The following ADRM1 variants were observed in gnomAD, a reference collection of about 807,000 sequenced individuals.
ADRM1 encodes the protein proteasomal ubiquitin receptor ADRM1.
ADRM1 carries 2 observed loss-of-function variants against 40.1 expected under a neutral mutation model. The ratio of observed to expected loss-of-function variants is 0.05; its 90% CI spans 0.02 to 0.16. ADRM1 has a LOEUF of 0.16. Ranked by LOEUF, ADRM1 falls within the 10% of genes least tolerant of loss-of-function variation. The pLI is 1.00. For synonymous variants in ADRM1, 287 were observed against 240.4 expected (o/e 1.19, Z -1.79); for missense variants, 467 against 552.5 (o/e 0.85, Z 1.55).
Position 62,308,286 on chromosome 20 carries a change from C to T in ADRM1, c.1015-82C>T, listed in dbSNP as rs977962780. ...CATGGCCAGTGCTTCATGTGCCTGA[C>T]CCGCAGAGCTGGCAGCTGAGCAGTG... On this transcript the variant is annotated intron_variant, in intron 8 of 9. Coordinates refer to ENST00000253003, the MANE Select transcript of ADRM1 (RefSeq NM_007002.4). 7 of 1,537,180 alleles carry T rather than the reference C, an allele frequency of 4.6e-6. No homozygotes were observed. In the East Asian group the frequency reaches 9.4e-5, roughly 21 times the overall value.
Position 62,303,799 on chromosome 20 carries a change from G to T in ADRM1, c.213+18G>T. 1.2e-6 allele frequency: 2 copies of T among 1,605,400 alleles called. No individual in the cohort carries two copies. The highest frequency in any genetic ancestry group is 8.5e-7 in the Non-Finnish European group (1 of 1,177,602). ...TGGAAGACGTGAGTGTCCCTGAGCC[G>T]CAGCAGCAGGACAGGCGACTTCTCG... On this transcript the variant is annotated intron_variant, in intron 2 of 9. Transcript: ENST00000253003.
chr20:62,307,317 T>C, intron 5 of ADRM1, 54 bp from the exon 6 acceptor site: 1 of 1,534,016 alleles, frequency 6.5e-7, no homozygotes, highest in Non-Finnish European at 8.8e-7. Flanking sequence ...GGGGCCAGGC[T>C]CTTTCTGGTG....
intron 3 of ADRM1, chr20:62,305,982 C>T (rs1026650489): frequency 3.8e-5 from 22 of 579,496 alleles, no homozygotes; most frequent in African/African-American, 1.9e-4. Context: ...GGGATTGCGG[C>T]GGATGGGGAC....
At chr20:62,307,140 C>T (rs1344351338) in intron 5 of ADRM1, among the ~76,000 whole-genome samples, 1 of 152,232 alleles carries the variant, frequency 6.6e-6, no homozygotes, top group Admixed American at 6.5e-5. Context: ...ATCTTCTAAT[C>T]TAAGCACATG....
intron 5 of ADRM1, among the ~76,000 whole-genome samples, chr20:62,306,958 A>G (rs957343011): frequency 2.0e-5 from 3 of 152,066 alleles, no homozygotes; most frequent in African/African-American, 7.2e-5. Flanking sequence ...GGTACTTCAG[A>G]GGAGGGTGGC....
At chr20:62,305,657 A>G (rs1399155894) in intron 3 of ADRM1, 1 of 152,612 alleles carries the variant, frequency 6.6e-6, no homozygotes, top group African/African-American at 2.4e-5. Context: ...CAGCTTCCAT[A>G]GCCATTCGGG....
intron 2 of ADRM1, chr20:62,304,109 TTCAC>T: frequency 2.0e-6 from 1 of 492,876 alleles, no homozygotes; most frequent in Non-Finnish European, 3.7e-6. Flanking sequence ...GCCTGGCGGC[TTCAC>T]TCAGTCTTCT....
chr20:62,305,898 T>C, intron 3 of ADRM1: 1 of 365,238 alleles, frequency 2.7e-6, no homozygotes, highest in Non-Finnish European at 5.2e-6. Context: ...GGGCTTGGTC[T>C]GGCAGCAGCT....
chr20:62,303,366 GC>G (rs1984396057), intron 1 of ADRM1: 1 of 531,448 alleles, frequency 1.9e-6, no homozygotes, highest in Non-Finnish European at 3.3e-6. Flanking sequence ...GCTTGGCGGG[GC>G]TGCCCCGGCC....
chr20:62,304,481 C>T lies in ADRM1; in HGVS notation c.234C>T (p.Asp78=), dbSNP rs1984598481. ...NVEDDLIIFP[D]DCEFKRVPQC... ...GCCAGGACTTGATCATCTTCCCTGA[C>T]GACTGTGAGTTCAAGCGGGTGCCGC... The change falls in exon 3 of 10, where the codon GAC becomes GAT. Residue 78 remains aspartate, a synonymous_variant. Coordinates refer to ENST00000253003, the MANE Select transcript of ADRM1 (RefSeq NM_007002.4). 3 of 1,613,814 alleles carry T rather than the reference C, an allele frequency of 1.9e-6. No individual in the cohort carries two copies. Among genetic ancestry groups the T allele is most frequent in the Non-Finnish European group, 2.5e-6 (3 of 1,179,874 alleles).
intron 1 of ADRM1, 179 bp downstream of exon 1, chr20:62,303,228 C>T (rs1312339643): frequency 2.2e-5 from 4 of 182,180 alleles, no homozygotes; most frequent in Non-Finnish European, 3.4e-5. Context: ...CCGGTTCCGC[C>T]TGCGGCTCTG....
At chr20:62,304,386 C>A in intron 2 of ADRM1, 75 bp from the exon 3 acceptor site, 3 of 1,309,522 alleles carry the variant, frequency 2.3e-6, no homozygotes, top group Non-Finnish European at 3.3e-6. Context: ...AGACCCAGGG[C>A]TCAGTACGCT....
chr20:62,303,431 C>T, intron 1 of ADRM1, 137 bp from the exon 2 acceptor site: 3 of 868,614 alleles, frequency 3.5e-6, no homozygotes, highest in South Asian at 3.4e-5. Flanking sequence ...CGCGGAAAGG[C>T]AGCCCGGCGT....
rs36107815 is a variant in ADRM1, at chr20:62,308,727, A to C, written c.1190A>C (p.Lys397Thr). 4.5e-6 allele frequency: 7 copies of C among 1,569,400 alleles called. 1 individual carries two copies. The highest frequency in any genetic ancestry group is 3.3e-5 in the South Asian group (3 of 90,688). ...CAGAAAGAGGGCGACACGAAGGACA[A>C]GAAGGACGAAGAGGAGGACATGAGC... Reference protein sequence around the residue: ...PEQKEGDTKDKKDEEEDMSLD With the variant: ...PEQKEGDTKDTKDEEEDMSLD Residue 397 changes from lysine (K) to threonine (T), a missense_variant, in exon 10 of 10, where the codon AAG becomes ACG. Coordinates refer to ENST00000253003, the MANE Select transcript of ADRM1 (RefSeq NM_007002.4).
Position 62,308,767 on chromosome 20 carries a change from G to GCGC in ADRM1, c.*9_*11dup, listed in dbSNP as rs1568880145. The GCGC allele has an allele frequency of 3.1e-6, 5 of 1,612,652 alleles. No homozygotes were observed. The South Asian group carries it at 5.5e-5, about 18-fold the overall frequency. On this transcript the variant is annotated 3_prime_UTR_variant, in exon 10 of 10. Transcript: ENST00000253003. ...AGGACATGAGCCTGGACTGAGCCAC[G>GCGC]CGCCGTCCTCCGAGGAACTGGGCGC...
chr20:62,308,537 C>T (rs1162454220), intron 9 of ADRM1, 67 bp downstream of exon 9: 1 of 1,560,268 alleles, frequency 6.4e-7, no homozygotes, highest in Non-Finnish European at 8.7e-7. Flanking sequence ...CCCCCTGGAT[C>T]TGCAGAAGTG....
intron 3 of ADRM1, among the ~76,000 whole-genome samples, chr20:62,305,058 T>C (rs1300176035): frequency 6.6e-6 from 1 of 152,234 alleles, no homozygotes; most frequent in Non-Finnish European, 1.5e-5. Context: ...GCAGAGCGTC[T>C]TTTGGGTCTA....
chr20:62,303,854 C>G, intron 2 of ADRM1, 73 bp downstream of exon 2: 1 of 1,496,540 alleles, frequency 6.7e-7, no homozygotes, highest in Non-Finnish European at 9.1e-7. Flanking sequence ...TTGGAGTTCG[C>G]GGTGGGGGCT....
chr20:62,305,924 T>C (rs1984868450), intron 3 of ADRM1: 2 of 433,060 alleles, frequency 4.6e-6, no homozygotes, highest in Non-Finnish European at 8.5e-6. Context: ...CCTTCGGAGC[T>C]CTAGGCTCCC....
Sources: gnomAD v4.1 joint callset for allele counts (sites outside exome capture counted in the v4.1 genomes callset) on GRCh38, gnomAD v4.1.1 for gene constraint, MANE v1.5 for transcripts, NCBI Gene and HGNC (gene_info 2026-07-23, HGNC 2026-07-21) for gene names.